CFAP43: variants seen among roughly 807,000 people sequenced by gnomAD.
CFAP43 encodes cilia- and flagella-associated protein 43.
CFAP43 carries 155 observed loss-of-function variants against 218.9 expected under a neutral mutation model. That is an observed-to-expected ratio of 0.71 (90% CI 0.62 to 0.81). The LOEUF (loss-of-function observed/expected upper bound fraction) is 0.81. CFAP43 is among the 30% of genes least tolerant of loss of function. CFAP43 has a pLI of 0.00. For missense variants in CFAP43, 1,778 were observed against 1,954.3 expected (o/e 0.91, Z 1.70); for synonymous variants, 645 against 681.3 (o/e 0.95, Z 0.83).
chr10:104,142,797 C>G (rs1392674589), intron 32 of CFAP43, among the ~76,000 whole-genome samples: 2 of 151,978 alleles, frequency 1.3e-5, no homozygotes, highest in African/African-American at 4.8e-5. Flanking sequence ...AAATAAAGAC[C>G]CTCTTAAATT....
chr10:104,151,915 A>G (rs1340500778), intron 28 of CFAP43, among the ~76,000 whole-genome samples: 2 of 152,130 alleles, frequency 1.3e-5, no homozygotes, highest in Admixed American at 6.6e-5. Context: ...CTTAAACTCA[A>G]TGGATAGTTT....
intron 22 of CFAP43, among the ~76,000 whole-genome samples, chr10:104,167,149 G>A (rs1481416449): frequency 1.3e-5 from 2 of 152,140 alleles, no homozygotes; most frequent in African/African-American, 2.4e-5. Flanking sequence ...GCAAAGTTCT[G>A]ACCAAAACAA....
chr10:104,220,940 ATGAG>A (rs776423363), intron 3 of CFAP43, among the ~76,000 whole-genome samples: 126 of 146,778 alleles, frequency 8.6e-4, no homozygotes, highest in Non-Finnish European at 1.2e-3. Flanking sequence ...CTAACTCTAT[ATGAG>A]TGAGCGTGTG....
rs2090251558 is a variant in CFAP43 at position 104,192,278 on chromosome 10, C to A, written c.1467G>T (p.Leu489=). ...HVVYDQQGIF[L]LVGTAEGKVF... is the part of the protein sequence containing the mutation. ...CTTTTCCTTCTGCTGTTCCAACTAA[C>A]AGAAATATTCCTTGCTGATCATAAC... Residue 489 remains leucine (L), a synonymous_variant, in exon 12 of 38, where the codon CTG becomes CTT. Transcript: ENST00000357060. The A allele has an allele frequency of 1.1e-5, 17 of 1,612,360 alleles. No homozygotes were observed. The highest frequency in any genetic ancestry group is 1.4e-5 in the Non-Finnish European group (17 of 1,179,344).
chr10:104,186,193 T>C (rs1358910135), intron 14 of CFAP43, 70 bp from the exon 15 acceptor site: 4 of 1,254,000 alleles, frequency 3.2e-6, no homozygotes, highest in Non-Finnish European at 4.3e-6. Flanking sequence ...TTTGCAGATA[T>C]ACATGCCTGT....
At position 104,225,491 on chromosome 10, in the gene CFAP43, G is replaced by A. The variant is rs1131692266; in HGVS notation, c.386C>T (p.Ser129Phe). ...SYCGTYLASY[S>F]SLPEFELALW... ...GGCCAGTTCAAATTCTGGGAGAGAG[G>A]AGTAACTAGCCAGGTAGGTGCCACA... Residue 129 changes from serine to phenylalanine, a missense_variant, in exon 3 of 38, where the codon TCC becomes TTC. Physicochemically the swap from Ser to Phe is radical, Grantham distance 155 (BLOSUM62 -2). Transcript: ENST00000357060. The A allele has an allele frequency of 6.2e-7, 1 of 1,612,572 alleles. No individual in the cohort carries two copies. Among genetic ancestry groups the A allele is most frequent in the African/African-American group, 1.3e-5 (1 of 74,830 alleles).
intron 3 of CFAP43, among the ~76,000 whole-genome samples, chr10:104,214,698 C>A (rs61111654): frequency 1.3e-5 from 2 of 152,122 alleles, no homozygotes; most frequent in Non-Finnish European, 2.9e-5. Flanking sequence ...TTTAACTCAG[C>A]CAAACCTAGA....
At chr10:104,218,241 G>T (rs748735437) in intron 3 of CFAP43, among the ~76,000 whole-genome samples, 2 of 151,700 alleles carry the variant, frequency 1.3e-5, no homozygotes, top group African/African-American at 4.8e-5. Flanking sequence ...CCAGCTACTC[G>T]GGAGGCTGAG....
In CFAP43 at chr10:104,164,256, G is replaced by A. The variant is rs547940672; in HGVS notation, c.3084C>T (p.Asp1028=). 54 of 1,612,196 alleles carry A rather than the reference G, an allele frequency of 3.3e-5. No individual in the cohort carries two copies. The highest frequency in any genetic ancestry group is 3.1e-4 in the African/African-American group (23 of 74,970). ...CAAACTCTTTTTGTTTATATGCAGCGTCAAACTCATTATTGAAAACAGTTT... is the reference window on the plus strand; with the variant it reads ...CAAACTCTTTTTGTTTATATGCAGCATCAAACTCATTATTGAAAACAGTTT... ...KVKTVFNNEF[D]AAYKQKEFEI... Residue 1028 remains aspartate (D), a synonymous_variant, in exon 24 of 38, where the codon GAC becomes GAT. Transcript: ENST00000357060.
intron 34 of CFAP43, among the ~76,000 whole-genome samples, chr10:104,135,171 G>C (rs1158914399): frequency 7.1e-6 from 1 of 140,678 alleles, no homozygotes; most frequent in South Asian, 2.1e-4. Context: ...ACAAAATCCA[G>C]CACACTTCAA....
intron 2 of CFAP43, among the ~76,000 whole-genome samples, chr10:104,227,148 T>C (rs114214684): frequency 0.019 from 2,863 of 152,308 alleles, 109 homozygotes; most frequent in African/African-American, 0.067. Context: ...AAAAGTGTGA[T>C]TTTTAATGTT....
At chr10:104,132,026 T>C in intron 36 of CFAP43, 90 bp downstream of exon 36, 1 of 1,001,422 alleles carries the variant, frequency 1.0e-6, no homozygotes, top group African/African-American at 1.6e-5. Flanking sequence ...TTTATTAGGG[T>C]CTAGGTAAAT....
rs773158765 is a variant in CFAP43 at position 104,168,559 on chromosome 10, A to T, written c.2691+185T>A. Among the ~76,000 whole-genome samples the T allele has an allele frequency of 8.3e-4, 127 of 152,220 alleles. 2 individuals carry two copies. Among genetic ancestry groups the T allele is most frequent in the Non-Finnish European group, 7.1e-4 (48 of 68,040 alleles). On this transcript the variant is annotated intron_variant, in intron 21 of 37. Transcript: ENST00000357060. Reference sequence around the variant, plus strand: ...AATGCTGGCTGGGAAGCACACGGGGACTGAGCACAGAGGGAAGGAACCAAG... The same window carrying T: ...AATGCTGGCTGGGAAGCACACGGGGTCTGAGCACAGAGGGAAGGAACCAAG...
chr10:104,160,273 G>A (rs986314926), intron 27 of CFAP43, among the ~76,000 whole-genome samples: 4 of 152,026 alleles, frequency 2.6e-5, no homozygotes, highest in Admixed American at 6.6e-5. Flanking sequence ...ACTGATTTTG[G>A]CTTTGAGTAA....
At chr10:104,176,478 A>G (rs2089634847) in intron 19 of CFAP43, among the ~76,000 whole-genome samples, 1 of 152,210 alleles carries the variant, frequency 6.6e-6, no homozygotes, top group Non-Finnish European at 1.5e-5. Flanking sequence ...ATTCTGCTTT[A>G]TAATAAAATT....
chr10:104,142,028 G>A (rs920143710), intron 33 of CFAP43, among the ~76,000 whole-genome samples: 8 of 152,280 alleles, frequency 5.3e-5, no homozygotes, highest in African/African-American at 1.7e-4. Context: ...GGAAGGGGCC[G>A]ACTTAAAACA....
chr10:104,206,779 G>T (rs1336639106), intron 6 of CFAP43, among the ~76,000 whole-genome samples: 1 of 152,248 alleles, frequency 6.6e-6, no homozygotes, highest in Admixed American at 6.5e-5. Flanking sequence ...TGAGTGGACA[G>T]TGGCTCCTGT....
intron 19 of CFAP43, among the ~76,000 whole-genome samples, chr10:104,173,978 C>T (rs1019579924): frequency 2.0e-5 from 3 of 151,886 alleles, no homozygotes; most frequent in South Asian, 4.1e-4. Flanking sequence ...ACTAGGGATG[C>T]AAAATATTGT....
At chr10:104,146,137 C>A in intron 30 of CFAP43, 126 bp downstream of exon 30, 1 of 673,244 alleles carries the variant, frequency 1.5e-6, no homozygotes, top group East Asian at 2.8e-5. Context: ...GAAGTTCACC[C>A]ATAGCTGAGA....
Sources: gnomAD v4.1 joint callset for allele counts (sites outside exome capture counted in the v4.1 genomes callset) on GRCh38, gnomAD v4.1.1 for gene constraint, MANE v1.5 for transcripts, NCBI Gene and HGNC (gene_info 2026-07-23, HGNC 2026-07-21) for gene names.